ANK2: variants seen among roughly 807,000 people sequenced by gnomAD.
ANK2 encodes the protein ankyrin 2.
A neutral mutation model predicts 360.5 loss-of-function variants in ANK2; 83 were observed. The observed-to-expected ratio is 0.23, with a 90% CI of 0.19 to 0.28. The LOEUF (loss-of-function observed/expected upper bound fraction) is 0.28. Among genes scored for constraint, ANK2 ranks in the 10% least tolerant of loss-of-function variants. The pLI, the probability that ANK2 is intolerant of heterozygous loss-of-function variation, is 1.00. For synonymous variants in ANK2, 1,740 were observed against 1,759.5 expected (o/e 0.99, Z 0.28); for missense variants, 4,201 against 4,795.7 (o/e 0.88, Z 3.66).
chr4:112,827,435 G>T, intron 1 of ANK2: 1 of 1,384,766 alleles, frequency 7.2e-7, no homozygotes, highest in South Asian at 1.2e-5. Flanking sequence ...GAACTTGGAA[G>T]TGAGGGCTTA....
chr4:112,843,205 G>A (rs966225807), intron 1 of ANK2, among the ~76,000 whole-genome samples: 8 of 152,196 alleles, frequency 5.3e-5, no homozygotes, highest in Non-Finnish European at 1.2e-4. Flanking sequence ...ATTAGGTGAT[G>A]GACATGTTTG....
intron 1 of ANK2, among the ~76,000 whole-genome samples, chr4:113,156,110 C>A (rs1431004284): frequency 3.3e-5 from 5 of 152,120 alleles, no homozygotes; most frequent in African/African-American, 4.8e-5. Context: ...GATGTACATA[C>A]AAGAGTTTTT....
intron 20 of ANK2, 59 bp downstream of exon 20, chr4:113,288,545 G>T: frequency 7.2e-7 from 1 of 1,395,458 alleles, no homozygotes; most frequent in Non-Finnish European, 1.0e-6. Context: ...CCATCTGGAT[G>T]CTTCACTAGT....
chr4:113,135,678 T>G (rs2096365663), intron 1 of ANK2, among the ~76,000 whole-genome samples: 1 of 152,182 alleles, frequency 6.6e-6, no homozygotes, highest in South Asian at 2.1e-4. Flanking sequence ...ATCCATGATG[T>G]GATCAACAGT....
In ANK2 at chr4:113,282,888, T is replaced by G; in HGVS notation, c.2079+16T>G. ...GTCAACTAAGGTATTCTGTCCTTTC[T>G]TGCATCAATCAAGAGTGTTTTGGAT... On this transcript the variant is annotated intron_variant, in intron 18 of 45. Transcript: ENST00000357077. The G allele has an allele frequency of 6.2e-7, 1 of 1,613,418 alleles. No individual in the cohort carries two copies. Among genetic ancestry groups the G allele is most frequent in the African/African-American group, 1.3e-5 (1 of 75,024 alleles).
At chr4:113,351,758 G>A (rs2095429444) in intron 37 of ANK2, among the ~76,000 whole-genome samples, 3 of 151,884 alleles carry the variant, frequency 2.0e-5, no homozygotes, top group Non-Finnish European at 4.4e-5. Context: ...TTGCTATGAT[G>A]CCATGGATTT....
the ANK2 span, among the ~76,000 whole-genome samples, chr4:112,772,894 G>GT: frequency 1.4e-4 from 21 of 152,174 alleles, no homozygotes; most frequent in Non-Finnish European, 4.4e-5. Context: ...ACTGGGGAGC[G>GT]TGTGTTCTGA....
chr4:113,049,742 ATGC>A lies in ANK2; in HGVS notation c.15_17del (p.Asp5_Ala6delinsGlu). 6.3e-7 allele frequency: 1 copy of A among 1,596,906 alleles called. No individual in the cohort carries two copies. The highest frequency in any genetic ancestry group is 8.5e-7 in the Non-Finnish European group (1 of 1,169,816). ...AAACTGTTCAAAATGATGAACGAAG[ATGC>A]AGCTCAGAAAAGCGACAGTGGAGAG... On this transcript the variant is annotated inframe_deletion, in exon 1 of 46. Transcript: ENST00000357077.
chr4:113,165,605 C>CA (rs2097723085), intron 1 of ANK2, among the ~76,000 whole-genome samples: 1 of 152,070 alleles, frequency 6.6e-6, no homozygotes, highest in Non-Finnish European at 1.5e-5. Context: ...AAGATACCTC[C>CA]ACACCAAGAG....
Position 113,184,902 on chromosome 4 carries a change from C to T in ANK2, c.186+10385C>T, listed in dbSNP as rs10012619. 2.0e-3 allele frequency among the ~76,000 whole-genome samples: 311 copies of T among 152,132 alleles called. 2 individuals carry two copies. The highest frequency in any genetic ancestry group is 7.2e-3 in the African/African-American group (299 of 41,496). ...GGCCCCGGTGTGTGATGTTTCCCTC[C>T]GTGTGCCCATGTATTCTCATTGTTC... On this transcript the variant is annotated intron_variant, in intron 2 of 45. Transcript: ENST00000357077.
Position 113,007,574 on chromosome 4 carries a change from T to C in ANK2, c.21+103060T>C, listed in dbSNP as rs145042011. Among the ~76,000 whole-genome samples the C allele has an allele frequency of 2.7e-3, 411 of 152,306 alleles. 2 individuals are homozygous for C. Among genetic ancestry groups the C allele is most frequent in the Middle Eastern group, 0.017 (5 of 294 alleles). On this transcript the variant is annotated intron_variant, in intron 2 of 30. Transcript: ENST00000503271. ...AAGAGAAAGGGCTCTTGAAAGACTT[T>C]GATGTCAGAAAATATGACTTACAAC...
chr4:112,981,317 G>C (rs1359294584), intron 2 of ANK2, among the ~76,000 whole-genome samples: 2 of 152,252 alleles, frequency 1.3e-5, no homozygotes, highest in Non-Finnish European at 1.5e-5. Flanking sequence ...AGATATCAGA[G>C]ATTTATGTAC....
chr4:112,788,262 T>C, the ANK2 span: 567 of 1,587,006 alleles, frequency 3.6e-4, 2 homozygotes, highest in African/African-American at 6.3e-3. Flanking sequence ...TCTTCCGAGT[T>C]CACCTGTGTG....
chr4:112,958,658 T>A (rs2032776490), intron 2 of ANK2, among the ~76,000 whole-genome samples: 1 of 152,054 alleles, frequency 6.6e-6, no homozygotes, highest in Non-Finnish European at 1.5e-5. Flanking sequence ...GGGCTGCTCT[T>A]GTTTTAAAGA....
At chr4:112,720,082 A>G in the ANK2 span, among the ~76,000 whole-genome samples, 11 of 152,006 alleles carry the variant, frequency 7.2e-5, no homozygotes, top group African/African-American at 2.7e-4. Context: ...ATTCTCCTCT[A>G]TCACTTCCTC....
At chr4:112,766,188 C>T in the ANK2 span, among the ~76,000 whole-genome samples, 8 of 151,680 alleles carry the variant, frequency 5.3e-5, no homozygotes, top group East Asian at 3.9e-4. Flanking sequence ...AAAAATTAGC[C>T]GGGCGTGGTG....
At chr4:112,973,188 TA>T (rs34597000) in intron 2 of ANK2, among the ~76,000 whole-genome samples, 28,623 of 134,516 alleles carry the variant, frequency 0.21, 2,793 homozygotes, top group East Asian at 0.39. Context: ...ATTTGCATTG[TA>T]AAAAAAAAAA....
chr4:113,373,543 C>T (rs1190177179), intron 45 of ANK2, 94 bp downstream of exon 45: 90 of 1,352,384 alleles, frequency 6.7e-5, no homozygotes, highest in Non-Finnish European at 3.7e-5. Flanking sequence ...ATATTTTCCT[C>T]ACTTCTCCCT....
In ANK2 at chr4:113,014,640, T is replaced by A. The variant is rs531681037; in HGVS notation, c.21+110126T>A. On this transcript the variant is annotated intron_variant, in intron 2 of 30. Transcript: ENST00000503271. ...TCCACAGCTTTGCTGGCCCAGAATC[T>A]TTTTTTTTGTTTTTTGGTTAGCATA... Among the ~76,000 whole-genome samples, 16 of 151,140 alleles carry A rather than the reference T, an allele frequency of 1.1e-4. No homozygotes were observed. The South Asian group carries it at 2.1e-3, about 20-fold the overall frequency.
Sources: gnomAD v4.1 joint callset for allele counts (sites outside exome capture counted in the v4.1 genomes callset) on GRCh38, gnomAD v4.1.1 for gene constraint, MANE v1.5 for transcripts, NCBI Gene and HGNC (gene_info 2026-07-23, HGNC 2026-07-21) for gene names.